The following STAC variants were observed in gnomAD, a reference collection of about 807,000 sequenced individuals.
The protein encoded by STAC is SH3 and cysteine-rich domain-containing protein.
In STAC, 43 loss-of-function variants were observed where a neutral mutation model predicts 48.8. The ratio of observed to expected loss-of-function variants is 0.88; its 90% CI spans 0.69 to 1.14. STAC has a LOEUF of 1.14. Among genes scored for constraint, STAC ranks in the 50% most tolerant of loss-of-function variants. The pLI, the probability that STAC is intolerant of heterozygous loss-of-function variation, is 0.00. For missense variants in STAC, 497 were observed against 504.0 expected (o/e 0.99, Z 0.13); for synonymous variants, 193 against 179.5 (o/e 1.07, Z -0.60).
chr3:36,480,966 T>C (rs972784087), intron 2 of STAC, among the ~76,000 whole-genome samples: 2 of 152,170 alleles, frequency 1.3e-5, no homozygotes, highest in South Asian at 4.1e-4. Context: ...ATAATTGTGA[T>C]AAATGATGTG....
At chr3:36,405,063 T>C (rs1025564485) in intron 1 of STAC, among the ~76,000 whole-genome samples, 181 of 152,288 alleles carry the variant, frequency 1.2e-3, no homozygotes, top group African/African-American at 4.2e-3. Flanking sequence ...TTTAAAACTA[T>C]GAAATAGGAA....
At chr3:36,415,251 T>G (rs556141064) in intron 1 of STAC, among the ~76,000 whole-genome samples, 1 of 152,214 alleles carries the variant, frequency 6.6e-6, no homozygotes, top group Non-Finnish European at 1.5e-5. Flanking sequence ...TTTTCAGCTA[T>G]GCCCTGCCCC....
chr3:36,423,676 C>CT, intron 1 of STAC, among the ~76,000 whole-genome samples: 1 of 151,934 alleles, frequency 6.6e-6, no homozygotes, highest in Admixed American at 6.6e-5. Flanking sequence ...CGATAAGTTT[C>CT]TTTTTTTGTA....
Position 36,508,476 on chromosome 3 carries a change from G to A in STAC, c.920+2642G>A, listed in dbSNP as rs538231723. Among the ~76,000 whole-genome samples the A allele has an allele frequency of 4.6e-5, 7 of 152,266 alleles. No individual in the cohort carries two copies. In the South Asian group the frequency reaches 8.3e-4, roughly 18 times the overall value. On this transcript the variant is annotated intron_variant, in intron 8 of 10. Coordinates refer to ENST00000273183, the MANE Select transcript of STAC (RefSeq NM_003149.3). ...CTGAGTTCAAGTCCTGAAGATCCTTGTTAATTTTCTGTCTCATTGATCTGT... is the reference window on the plus strand; with the variant it reads ...CTGAGTTCAAGTCCTGAAGATCCTTATTAATTTTCTGTCTCATTGATCTGT...
chr3:36,505,611 T>C, intron 7 of STAC, 135 bp from the exon 8 acceptor site: 1 of 550,496 alleles, frequency 1.8e-6, no homozygotes, highest in Non-Finnish European at 3.1e-6. Context: ...AAATCTTTAA[T>C]AATGGTTAGA....
intron 1 of STAC, among the ~76,000 whole-genome samples, chr3:36,398,784 C>T (rs1699942217): frequency 6.6e-6 from 1 of 152,154 alleles, no homozygotes; most frequent in Non-Finnish European, 1.5e-5. Flanking sequence ...TATCATCTGA[C>T]TTGAAGGAGC....
chr3:36,476,593 T>C (rs578192506), intron 2 of STAC, among the ~76,000 whole-genome samples: 99 of 152,334 alleles, frequency 6.5e-4, no homozygotes, highest in Non-Finnish European at 1.0e-3. Flanking sequence ...GATCTCCATG[T>C]GATTCTGTTT....
At chr3:36,451,214 G>C (rs1696669084) in intron 2 of STAC, among the ~76,000 whole-genome samples, 1 of 151,952 alleles carries the variant, frequency 6.6e-6, no homozygotes, top group Non-Finnish European at 1.5e-5. Context: ...TATATAATAT[G>C]TTCTTCTACT....
intron 8 of STAC, among the ~76,000 whole-genome samples, chr3:36,506,720 C>T (rs1698411713): frequency 6.6e-6 from 1 of 152,056 alleles, no homozygotes; most frequent in Non-Finnish European, 1.5e-5. Flanking sequence ...CATGATTTGG[C>T]TCTCTGTTTA....
At chr3:36,511,309 A>T (rs528269446) in intron 8 of STAC, among the ~76,000 whole-genome samples, 30 of 152,218 alleles carry the variant, frequency 2.0e-4, no homozygotes, top group Non-Finnish European at 4.3e-4. Context: ...ATGATAGAAA[A>T]GAAATTAAAC....
chr3:36,471,747 T>A (rs1413467933), intron 2 of STAC, among the ~76,000 whole-genome samples: 2 of 152,228 alleles, frequency 1.3e-5, no homozygotes, highest in African/African-American at 4.8e-5. Flanking sequence ...GCCATGCTGA[T>A]GCAAGAGGTG....
intron 8 of STAC, 97 bp from the exon 9 acceptor site, chr3:36,528,599 G>C: frequency 1.0e-6 from 1 of 983,260 alleles, no homozygotes; most frequent in South Asian, 2.0e-5. Context: ...TTTCTTTTAA[G>C]ACTATTTGTG....
intron 10 of STAC, among the ~76,000 whole-genome samples, chr3:36,531,333 AAAC>A (rs1433788895): frequency 6.6e-6 from 1 of 152,226 alleles, no homozygotes; most frequent in Non-Finnish European, 1.5e-5. Flanking sequence ...ACAATTGCAC[AAAC>A]AACGGAAGTG....
rs185102489 is a variant in STAC, at chr3:36,389,146, A to G, written c.111+8392A>G. Among the ~76,000 whole-genome samples the G allele has an allele frequency of 2.1e-3, 315 of 152,262 alleles. 3 individuals carry two copies. Among genetic ancestry groups the G allele is most frequent in the African/African-American group, 6.9e-3 (287 of 41,556 alleles). On this transcript the variant is annotated intron_variant, in intron 1 of 10. Coordinates refer to ENST00000273183, the MANE Select transcript of STAC (RefSeq NM_003149.3). Reference sequence around the variant, plus strand: ...CATAAATGCTTGAAATTGTCCTCAAATATTTCCTGCCAAAATTCTTTGTTA... The same window carrying G: ...CATAAATGCTTGAAATTGTCCTCAAGTATTTCCTGCCAAAATTCTTTGTTA...
intron 1 of STAC, among the ~76,000 whole-genome samples, chr3:36,412,179 T>A (rs755602185): frequency 2.0e-5 from 3 of 152,178 alleles, no homozygotes; most frequent in African/African-American, 7.2e-5. Flanking sequence ...AGCCACCTTG[T>A]CTGGTTGGTT....
At chr3:36,408,114 G>C (rs113840664) in intron 1 of STAC, among the ~76,000 whole-genome samples, 2 of 152,322 alleles carry the variant, frequency 1.3e-5, no homozygotes, top group African/African-American at 4.8e-5. Flanking sequence ...ACTCCAGTCA[G>C]CCAGGGTGGA....
intron 6 of STAC, among the ~76,000 whole-genome samples, chr3:36,498,422 C>T (rs1351154632): frequency 1.3e-5 from 2 of 152,076 alleles, no homozygotes; most frequent in Non-Finnish European, 2.9e-5. Context: ...ATGAATAAGT[C>T]CAACATGCAT....
At chr3:36,496,760 G>C (rs1006109383) in intron 6 of STAC, among the ~76,000 whole-genome samples, 1 of 152,206 alleles carries the variant, frequency 6.6e-6, no homozygotes, top group African/African-American at 2.4e-5. Flanking sequence ...AACAAGCAAA[G>C]AGAGAAGTAA....
intron 1 of STAC, among the ~76,000 whole-genome samples, chr3:36,403,495 A>T (rs922100252): frequency 2.0e-5 from 3 of 152,108 alleles, no homozygotes; most frequent in African/African-American, 7.2e-5. Context: ...AAAAAATTTT[A>T]AAAATTCAGT....
Sources: gnomAD v4.1 joint callset for allele counts (sites outside exome capture counted in the v4.1 genomes callset) on GRCh38, gnomAD v4.1.1 for gene constraint, MANE v1.5 for transcripts, NCBI Gene and HGNC (gene_info 2026-07-23, HGNC 2026-07-21) for gene names.